The following PRKX variants were observed in gnomAD, a reference collection of about 807,000 sequenced individuals.
PRKX encodes the protein cAMP-dependent protein kinase catalytic subunit PRKX.
Under a neutral mutation model 22.0 loss-of-function variants are expected in PRKX, and 12 were observed. That is an observed-to-expected ratio of 0.54 (90% CI 0.35 to 0.88). The LOEUF is 0.88. PRKX is among the 40% of genes least tolerant of loss of function. PRKX has a pLI of 0.01. For synonymous variants in PRKX, 134 were observed against 137.7 expected (o/e 0.97, Z 0.19); for missense variants, 217 against 308.0 (o/e 0.70, Z 2.21).
intron 1 of PRKX, among the ~76,000 whole-genome samples, chrX:3,697,706 G>A (rs189142062): frequency 2.0e-4 from 22 of 110,261 alleles, no homozygotes; most frequent in East Asian, 1.4e-3. Flanking sequence ...CGCCATGCCC[G>A]GCTACACTTT....
At chrX:3,708,864 A>G (rs1367189219) in intron 1 of PRKX, among the ~76,000 whole-genome samples, 14 of 108,760 alleles carry the variant, frequency 1.3e-4, no homozygotes, top group Non-Finnish European at 1.9e-4. Context: ...AAAAAAAAAA[A>G]GTGTCGAGCA....
intron 6 of PRKX, 145 bp downstream of exon 6, chrX:3,621,114 T>C: frequency 2.1e-6 from 1 of 470,446 alleles, no homozygotes; most frequent in Non-Finnish European, 3.4e-6. Flanking sequence ...TTTAAAAAAA[T>C]AAATAAAACA....
intron 2 of PRKX, 81 bp from the exon 3 acceptor site, chrX:3,655,493 G>A: frequency 9.4e-7 from 1 of 1,062,725 alleles, no homozygotes; most frequent in South Asian, 2.1e-5. Flanking sequence ...TTGGGGTACA[G>A]ATGCAGCTAG....
chrX:3,699,138 G>A (rs1928506637), intron 1 of PRKX, among the ~76,000 whole-genome samples: 1 of 106,534 alleles, frequency 9.4e-6, no homozygotes, highest in Admixed American at 1.0e-4. Flanking sequence ...CCAGGTTCAA[G>A]CAATTCTCCT....
Position 3,627,936 on chromosome X carries a change from G to A in PRKX, c.720-1422C>T, listed in dbSNP as rs532226623. 1.2e-4 allele frequency among the ~76,000 whole-genome samples: 13 copies of A among 111,171 alleles called. No individual in the cohort carries two copies. The South Asian group carries it at 3.0e-3, about 26-fold the overall frequency. Reference sequence around the variant, plus strand: ...GAAGTCATGATACTGGAGAGACATCGGCACGCCCATGTTTACCACAGCACC... The same window carrying A: ...GAAGTCATGATACTGGAGAGACATCAGCACGCCCATGTTTACCACAGCACC... On this transcript the variant is annotated intron_variant, in intron 4 of 8. Coordinates refer to ENST00000262848, the MANE Select transcript of PRKX (RefSeq NM_005044.5).
In PRKX at chrX:3,607,839, CT is replaced by C. The variant is rs762015678; in HGVS notation, c.*1129del. The C allele has an allele frequency of 2.8e-4, 30 of 105,714 alleles. No homozygotes were observed. Among genetic ancestry groups the C allele is most frequent in the African/African-American group, 9.7e-4 (28 of 28,954 alleles). 8.7% of individuals were successfully genotyped at this position (105,714 alleles called of 1,213,427 possible). A position where few individuals can be genotyped will look rare whatever the true frequency, so the allele number is the denominator to read the frequency against. On this transcript the variant is annotated 3_prime_UTR_variant, in exon 9 of 9. Transcript: ENST00000262848. ...CTTTTAAAGCCTTAAGGTGGACGTTCTCTTCAATCCATCTTCAAAAGCACAA... is the reference window on the plus strand; with the variant it reads ...CTTTTAAAGCCTTAAGGTGGACGTTCCTTCAATCCATCTTCAAAAGCACAA...
At chrX:3,681,599 A>G (rs755363327) in intron 1 of PRKX, among the ~76,000 whole-genome samples, 1 of 104,334 alleles carries the variant, frequency 9.6e-6, no homozygotes, top group African/African-American at 3.4e-5. Flanking sequence ...CAGAGAGCTG[A>G]GATTGCACCA....
chrX:3,636,060 A>T (rs1926880574), intron 4 of PRKX, among the ~76,000 whole-genome samples: 1 of 112,658 alleles, frequency 8.9e-6, no homozygotes, highest in East Asian at 2.8e-4. Flanking sequence ...AACATGTCTC[A>T]TTCCATGAAA....
At chrX:3,610,618 C>T (rs188180075) in intron 8 of PRKX, among the ~76,000 whole-genome samples, 1 of 110,684 alleles carries the variant, frequency 9.0e-6, no homozygotes, top group Admixed American at 9.8e-5. Flanking sequence ...AAGGTTATTC[C>T]TACGTGTGGA....
chrX:3,642,614 TAA>T (rs780463781), intron 3 of PRKX, among the ~76,000 whole-genome samples: 7 of 110,290 alleles, frequency 6.3e-5, no homozygotes, highest in Non-Finnish European at 1.3e-4. Flanking sequence ...CCCCTGAACC[TAA>T]AAGTTCTTTA....
At chrX:3,617,869 G>A (rs1320248951) in intron 6 of PRKX, among the ~76,000 whole-genome samples, 2 of 109,291 alleles carry the variant, frequency 1.8e-5, no homozygotes, top group African/African-American at 3.3e-5. Flanking sequence ...TAACACATAC[G>A]TTACCTACGG....
chrX:3,647,452 T>A (rs1435862306), intron 3 of PRKX, among the ~76,000 whole-genome samples: 1 of 105,869 alleles, frequency 9.4e-6, no homozygotes, highest in African/African-American at 3.3e-5. Context: ...ATATTTAATA[T>A]ATAATTATAA....
At chrX:3,637,568 T>C (rs1926918210) in intron 4 of PRKX, among the ~76,000 whole-genome samples, 1 of 110,780 alleles carries the variant, frequency 9.0e-6, no homozygotes, top group Non-Finnish European at 1.9e-5. Flanking sequence ...CACCCACCCA[T>C]GTGAAGAGAC....
Position 3,618,284 on chromosome X carries a change from C to T in PRKX, c.874-2392G>A, listed in dbSNP as rs1255144424. Among the ~76,000 whole-genome samples, 9 of 110,332 alleles carry T rather than the reference C, an allele frequency of 8.2e-5. No homozygotes were observed. The East Asian group carries it at 1.1e-3, about 14-fold the overall frequency. ...AGTTCAGTCAGTGGCTTGCACAGCTCGGTGACTATAACTAATGATGTATTC... is the reference window on the plus strand; with the variant it reads ...AGTTCAGTCAGTGGCTTGCACAGCTTGGTGACTATAACTAATGATGTATTC... On this transcript the variant is annotated intron_variant, in intron 6 of 8. Transcript: ENST00000262848.
intron 1 of PRKX, among the ~76,000 whole-genome samples, chrX:3,710,237 G>A (rs745703895): frequency 1.3e-3 from 150 of 111,626 alleles, no homozygotes; most frequent in African/African-American, 4.3e-3. Flanking sequence ...TTCCTAAAAC[G>A]AAATCGGCCT....
intron 2 of PRKX, among the ~76,000 whole-genome samples, chrX:3,670,539 T>C (rs17051672): frequency 0.2 from 22,424 of 111,022 alleles, 3,208 homozygotes; most frequent in African/African-American, 0.51. Flanking sequence ...CCTCCAAGTC[T>C]ACATTGTTTT....
At chrX:3,653,943 TATATATA>T (rs1410306304) in intron 3 of PRKX, among the ~76,000 whole-genome samples, 1 of 79,770 alleles carries the variant, frequency 1.3e-5, no homozygotes, top group Non-Finnish European at 2.2e-5. Context: ...TACTATGTGA[TATATATA>T]ATATATATTA....
At chrX:3,654,043 T>TTA (rs1183966514) in intron 3 of PRKX, among the ~76,000 whole-genome samples, 7 of 82,973 alleles carry the variant, frequency 8.4e-5, no homozygotes, top group Non-Finnish European at 1.5e-4. Flanking sequence ...AATATATATA[T>TTA]TATATATATT....
In PRKX at chrX:3,612,273, G is replaced by C. The variant is rs1371216535; in HGVS notation, c.1004C>G (p.Thr335Ser). 8.3e-7 allele frequency: 1 copy of C among 1,208,706 alleles called. No homozygotes were observed. The highest frequency in any genetic ancestry group is 1.1e-6 in the Non-Finnish European group (1 of 894,912). Residue 335 changes from threonine (T) to serine (S), a missense_variant, in exon 8 of 9, where the codon ACT (threonine) becomes AGT (serine). Thr to Ser is a moderately conservative substitution (Grantham distance 58). Transcript: ENST00000262848. ...AGDGDTSNFETYPENDWDTAA... is the reference protein window; with the variant it reads ...AGDGDTSNFESYPENDWDTAA... Reference sequence around the variant, plus strand: ...TGTGTCCCAGTCATTCTCAGGGTAAGTTTCGAAGTTGGAAGTGTCGCCGTC... The same window carrying C: ...TGTGTCCCAGTCATTCTCAGGGTAACTTTCGAAGTTGGAAGTGTCGCCGTC...
Sources: gnomAD v4.1 joint callset for allele counts (sites outside exome capture counted in the v4.1 genomes callset) on GRCh38, gnomAD v4.1.1 for gene constraint, MANE v1.5 for transcripts, NCBI Gene and HGNC (gene_info 2026-07-23, HGNC 2026-07-21) for gene names.